Variants in LINGO2 observed in about 807,000 individuals in gnomAD.
The protein encoded by LINGO2 is leucine rich repeat and Ig domain containing 2, also known as leucine-rich repeat and immunoglobulin-like domain-containing nogo receptor-interacting protein 2.
Under a neutral mutation model 30.6 loss-of-function variants are expected in LINGO2, and 14 were observed. That is an observed-to-expected ratio of 0.46 (90% CI 0.30 to 0.72). The LOEUF (loss-of-function observed/expected upper bound fraction) is 0.72. Ranked by LOEUF, LINGO2 falls within the 30% of genes least tolerant of loss-of-function variation. The probability of loss-of-function intolerance (pLI) is 0.07; values close to 1 mark genes in which losing one functional copy is unlikely to be tolerated. For synonymous variants in LINGO2, 317 were observed against 288.5 expected (o/e 1.10, Z -1.00); for missense variants, 729 against 751.7 (o/e 0.97, Z 0.35).
the LINGO2 span, among the ~76,000 whole-genome samples, chr9:28,873,470 C>T: frequency 6.6e-6 from 1 of 151,580 alleles, no homozygotes; most frequent in East Asian, 1.9e-4. Flanking sequence ...TGACTAAACA[C>T]TTCTCTATAA....
intron 3 of LINGO2, among the ~76,000 whole-genome samples, chr9:28,344,475 T>C (rs192838360): frequency 1.3e-5 from 2 of 152,236 alleles, no homozygotes; most frequent in African/African-American, 4.8e-5. Flanking sequence ...TGAAAATAAG[T>C]AATGAAAAAT....
chr9:28,091,440 C>G (rs1203203763), intron 4 of LINGO2, among the ~76,000 whole-genome samples: 1 of 152,036 alleles, frequency 6.6e-6, no homozygotes, highest in Non-Finnish European at 1.5e-5. Context: ...GACAAAAACA[C>G]AAAACAGGGA....
intron 3 of LINGO2, among the ~76,000 whole-genome samples, chr9:28,311,741 C>T (rs986192672): frequency 6.6e-6 from 1 of 152,116 alleles, no homozygotes; most frequent in African/African-American, 2.4e-5. Flanking sequence ...AACACACATG[C>T]TCTACAATTT....
At chr9:28,422,483 C>T (rs1823236865) in intron 2 of LINGO2, among the ~76,000 whole-genome samples, 5 of 150,996 alleles carry the variant, frequency 3.3e-5, no homozygotes, top group Admixed American at 6.6e-5. Context: ...AACTAATACC[C>T]GCTAGGATGG....
At chr9:28,264,256 A>G (rs954244895) in intron 4 of LINGO2, among the ~76,000 whole-genome samples, 2 of 151,994 alleles carry the variant, frequency 1.3e-5, no homozygotes, top group African/African-American at 4.8e-5. Context: ...ACTGCCAAAT[A>G]GTGACAATGG....
At chr9:28,304,121 C>T (rs1019466897) in intron 3 of LINGO2, among the ~76,000 whole-genome samples, 13 of 151,956 alleles carry the variant, frequency 8.6e-5, no homozygotes, top group Non-Finnish European at 4.4e-5. Context: ...AGATGTGGAT[C>T]TCCTTCTGAT....
the LINGO2 span, among the ~76,000 whole-genome samples, chr9:29,075,919 G>A: frequency 1.3e-5 from 2 of 152,060 alleles, no homozygotes; most frequent in Non-Finnish European, 2.9e-5. Flanking sequence ...CATACGGTCT[G>A]ACTGTCAATC....
At chr9:28,441,161 A>C (rs1824177697) in intron 2 of LINGO2, among the ~76,000 whole-genome samples, 1 of 145,580 alleles carries the variant, frequency 6.9e-6, no homozygotes, top group East Asian at 2.1e-4. Flanking sequence ...AGGCACCTTG[A>C]TATTGGACTT....
intron 2 of LINGO2, among the ~76,000 whole-genome samples, chr9:28,464,179 C>G (rs1008792448): frequency 6.6e-6 from 1 of 152,102 alleles, no homozygotes; most frequent in Non-Finnish European, 1.5e-5. Context: ...ATTAAATTAG[C>G]AAATGTATTT....
intron 2 of LINGO2, among the ~76,000 whole-genome samples, chr9:28,427,380 C>T (rs1308947358): frequency 6.6e-6 from 1 of 152,124 alleles, no homozygotes; most frequent in Admixed American, 6.6e-5. Flanking sequence ...AATACGATCA[C>T]TTCACTACTC....
In LINGO2 at chr9:28,355,951, C is replaced by A. The variant is rs74882203; in HGVS notation, c.-246+16885G>T. Among the ~76,000 whole-genome samples, 57 of 152,242 alleles carry A rather than the reference C, an allele frequency of 3.7e-4. No individual in the cohort carries two copies. The East Asian group carries it at 0.011, about 28-fold the overall frequency. On this transcript the variant is annotated intron_variant, in intron 3 of 5. Coordinates refer to ENST00000379992, the Ensembl canonical transcript of LINGO2. The stretch of plus-strand genomic sequence containing the variant: ...CTTGAAAGAGAGTGATACACATGAA[C>A]TGAGAGATTATGTGATTTCCAGATT...
In LINGO2 at chr9:28,030,001, GAGA is replaced by G. The variant is rs1823587623; in HGVS notation, c.-86-17599_-86-17597del. On this transcript the variant is annotated intron_variant, in intron 4 of 5. Transcript: ENST00000379992. ...AATGAATCTAGAATCCCAGAAATCA[GAGA>G]AGGTGATGTAAGGCCACCAGATATC... is the stretch of plus-strand genomic sequence containing the variant. Among the ~76,000 whole-genome samples the G allele has an allele frequency of 3.3e-5, 5 of 152,280 alleles. No homozygotes were observed. The South Asian group carries it at 1.0e-3, about 32-fold the overall frequency.
intron 4 of LINGO2, among the ~76,000 whole-genome samples, chr9:28,288,753 A>T (rs1823611038): frequency 6.6e-6 from 1 of 152,210 alleles, no homozygotes; most frequent in Non-Finnish European, 1.5e-5. Context: ...CTAAATTCTC[A>T]AGATTTTATT....
At chr9:28,568,171 G>A (rs2135580307) in intron 1 of LINGO2, among the ~76,000 whole-genome samples, 1 of 152,202 alleles carries the variant, frequency 6.6e-6, no homozygotes, top group Non-Finnish European at 1.5e-5. Flanking sequence ...TGGGAGTCAG[G>A]TGGAGAAGTT....
the LINGO2 span, among the ~76,000 whole-genome samples, chr9:28,922,803 A>G: frequency 6.6e-6 from 1 of 152,336 alleles, no homozygotes; most frequent in South Asian, 2.1e-4. Flanking sequence ...TTTCAAACAT[A>G]TGCCCGTCTT....
chr9:28,744,883 C>T, the LINGO2 span, among the ~76,000 whole-genome samples: 2 of 151,926 alleles, frequency 1.3e-5, no homozygotes, highest in South Asian at 2.1e-4. Flanking sequence ...GATCCACTCA[C>T]CAAGGCCTCC....
chr9:28,793,919 A>G, the LINGO2 span, among the ~76,000 whole-genome samples: 1 of 152,312 alleles, frequency 6.6e-6, no homozygotes, highest in South Asian at 2.1e-4. Flanking sequence ...GGAACTCCCA[A>G]GTACTTGTCA....
the LINGO2 span, among the ~76,000 whole-genome samples, chr9:29,141,307 A>G: frequency 6.6e-6 from 1 of 152,028 alleles, no homozygotes; most frequent in African/African-American, 2.4e-5. Context: ...ACAAAAGAGA[A>G]GTGATTGTAT....
chr9:28,560,595 T>C (rs1039787076), intron 1 of LINGO2, among the ~76,000 whole-genome samples: 2 of 152,068 alleles, frequency 1.3e-5, no homozygotes, highest in Non-Finnish European at 2.9e-5. Context: ...CAGGCATTAT[T>C]TGGGTGTGAT....
Sources: allele counts gnomAD v4.1 joint callset (sites outside exome capture counted in the v4.1 genomes callset), GRCh38; gene constraint gnomAD v4.1.1; transcripts MANE v1.5; gene names NCBI Gene and HGNC (gene_info 2026-07-23, HGNC 2026-07-21).